Variants in ACTR3C observed in about 807,000 individuals in gnomAD.
The protein encoded by ACTR3C is actin related protein 3C, also known as actin-related protein 3C.
A neutral mutation model predicts 26.3 loss-of-function variants in ACTR3C; 18 were observed. The observed-to-expected ratio is 0.68, with a 90% CI of 0.47 to 1.01. The LOEUF (loss-of-function observed/expected upper bound fraction) is 1.01, where lower values mean the gene tolerates loss of function less well. Among genes scored for constraint, ACTR3C ranks in the 50% least tolerant of loss-of-function variants. The probability of loss-of-function intolerance (pLI) is 0.00; values close to 1 mark genes in which losing one functional copy is unlikely to be tolerated. For synonymous variants in ACTR3C, 55 were observed against 94.5 expected (o/e 0.58, Z 2.42); for missense variants, 184 against 250.7 (o/e 0.73, Z 1.80).
chr7:150,210,700 A>G, the ACTR3C span, among the ~76,000 whole-genome samples: 2 of 149,876 alleles, frequency 1.3e-5, no homozygotes, highest in Non-Finnish European at 1.5e-5. Context: ...CAGAAAAAAA[A>G]GATTGGTTTT....
At chr7:149,892,822 C>T in the ACTR3C span, among the ~76,000 whole-genome samples, 1 of 145,552 alleles carries the variant, frequency 6.9e-6, no homozygotes, top group African/African-American at 2.5e-5. Flanking sequence ...TAAGACTCTA[C>T]ATCACATAGC....
At chr7:150,199,658 AAAAAT>A in the ACTR3C span, among the ~76,000 whole-genome samples, 12 of 144,864 alleles carry the variant, frequency 8.3e-5, no homozygotes, top group Non-Finnish European at 1.4e-4. Flanking sequence ...ATAAATAAAA[AAAAAT>A]AAAACATTAA....
the ACTR3C span, among the ~76,000 whole-genome samples, chr7:149,907,478 T>TTCTCTTCTCTTCTCTCTCTCTCTC: frequency 4.8e-4 from 47 of 97,668 alleles, no homozygotes; most frequent in South Asian, 8.8e-3. Flanking sequence ...CTCTCTTCTC[T>TTCTCTTCTCTTCTCTCTCTCTCTC]TCTCTCTCTC....
chr7:149,989,342 C>T, the ACTR3C span, among the ~76,000 whole-genome samples: 1 of 152,226 alleles, frequency 6.6e-6, no homozygotes, highest in Non-Finnish European at 1.5e-5. Flanking sequence ...ATTTTTGAAA[C>T]ATACTTTACA....
At chr7:150,102,770 T>C in the ACTR3C span, among the ~76,000 whole-genome samples, 1 of 151,808 alleles carries the variant, frequency 6.6e-6, no homozygotes, top group Non-Finnish European at 1.5e-5. Flanking sequence ...CACTCCTTGT[T>C]CCTCCCTTGA....
chr7:149,983,549 T>C, the ACTR3C span, among the ~76,000 whole-genome samples: 1 of 149,900 alleles, frequency 6.7e-6, no homozygotes, highest in Non-Finnish European at 1.5e-5. Flanking sequence ...GTGTAGCCAC[T>C]TTGGAATAGA....
the ACTR3C span, among the ~76,000 whole-genome samples, chr7:150,178,545 A>T: frequency 6.6e-6 from 1 of 150,468 alleles, no homozygotes; most frequent in Non-Finnish European, 1.5e-5. Context: ...TGGCCTCCCA[A>T]AATGATGAGA....
At chr7:150,147,635 G>C in the ACTR3C span, among the ~76,000 whole-genome samples, 1 of 152,020 alleles carries the variant, frequency 6.6e-6, no homozygotes, top group African/African-American at 2.4e-5. Context: ...CTTTTAAGAT[G>C]CATTTTCCCC....
At chr7:150,170,690 C>G in the ACTR3C span, among the ~76,000 whole-genome samples, 1 of 150,658 alleles carries the variant, frequency 6.6e-6, no homozygotes, top group Non-Finnish European at 1.5e-5. Context: ...ATAACAAAGA[C>G]ACTCCTATCA....
the ACTR3C span, among the ~76,000 whole-genome samples, chr7:150,082,720 T>C: frequency 6.6e-6 from 1 of 152,144 alleles, no homozygotes; most frequent in Non-Finnish European, 1.5e-5. Flanking sequence ...AGGTGGACAT[T>C]TCAATATAAA....
chr7:150,293,403 G>C lies in ACTR3C; in HGVS notation c.62C>G (p.Ala21Gly). The change falls in exon 3 of 8, where the codon GCG becomes GGG. Residue 21 changes from alanine to glycine, a missense_variant. Ala to Gly is a moderately conservative substitution (Grantham distance 60). Coordinates refer to ENST00000683684, the MANE Select transcript of ACTR3C (RefSeq NM_001164458.2). ...CACTTGTCGAGATGTCCAAGATGCC[G>C]CCAAGGCCAGCACTGCCTGGAGAAA... is the stretch of plus-strand genomic sequence containing the variant. ...YIAVQAVLAL[A>G]ASWTSRQVGE... 6.3e-7 allele frequency: 1 copy of C among 1,597,794 alleles called. No homozygotes were observed. Among genetic ancestry groups the C allele is most frequent in the Non-Finnish European group, 8.5e-7 (1 of 1,170,814 alleles).
downstream of ACTR3C, among the ~76,000 whole-genome samples, chr7:150,243,524 G>A (rs970487663): frequency 2.6e-5 from 4 of 151,934 alleles, no homozygotes; most frequent in African/African-American, 9.7e-5. Flanking sequence ...ATAATCAGGT[G>A]TAAAACTTTG....
At chr7:150,178,856 T>A in the ACTR3C span, among the ~76,000 whole-genome samples, 7 of 150,896 alleles carry the variant, frequency 4.6e-5, no homozygotes, top group Non-Finnish European at 7.3e-5. Context: ...CGAATTCTTT[T>A]TATCCAACTC....
In ACTR3C at chr7:150,312,343, C is replaced by T. The variant is rs553192610; in HGVS notation, c.-52+11126G>A. ...TATTATCTCTCCTGCGTAGGCTCTG[C>T]AATCAAAACTATTGAACTTCTCCGT... On this transcript the variant is annotated intron_variant, in intron 1 of 7. Transcript: ENST00000683684. Among the ~76,000 whole-genome samples, 38 of 152,288 alleles carry T rather than the reference C, an allele frequency of 2.5e-4. No individual in the cohort carries two copies. The South Asian group carries it at 5.8e-3, about 23-fold the overall frequency.
At chr7:149,898,201 A>C in the ACTR3C span, among the ~76,000 whole-genome samples, 1 of 152,150 alleles carries the variant, frequency 6.6e-6, no homozygotes, top group African/African-American at 2.4e-5. Context: ...ACGACGACTG[A>C]GGTGATCTGT....
At chr7:150,100,180 G>A in the ACTR3C span, among the ~76,000 whole-genome samples, 6 of 151,584 alleles carry the variant, frequency 4.0e-5, no homozygotes, top group Middle Eastern at 3.4e-3. Flanking sequence ...GCATTCTCTC[G>A]CCTACTTGAG....
chr7:150,048,791 G>A, the ACTR3C span, among the ~76,000 whole-genome samples: 9 of 152,148 alleles, frequency 5.9e-5, no homozygotes, highest in Admixed American at 4.6e-4. Context: ...GTGGTCGGAC[G>A]ACGCTGGTGA....
the ACTR3C span, among the ~76,000 whole-genome samples, chr7:150,071,346 G>A: frequency 5.4e-5 from 8 of 148,904 alleles, no homozygotes; most frequent in East Asian, 4.0e-4. Flanking sequence ...GGATGGTCTC[G>A]ATCTCCTGAC....
the ACTR3C span, among the ~76,000 whole-genome samples, chr7:150,162,637 C>G: frequency 5.3e-5 from 8 of 152,114 alleles, no homozygotes; most frequent in East Asian, 1.5e-3. Context: ...ATGGCAAAAA[C>G]CTCAATTACT....
Sources: allele counts gnomAD v4.1 joint callset (sites outside exome capture counted in the v4.1 genomes callset), GRCh38; gene constraint gnomAD v4.1.1; transcripts MANE v1.5; gene names NCBI Gene and HGNC (gene_info 2026-07-23, HGNC 2026-07-21).